The following CELF2 variants were observed in gnomAD, a reference collection of about 807,000 sequenced individuals.
The protein encoded by CELF2 is CUG triplet repeat RNA-binding protein 2.
In CELF2, 8 loss-of-function variants were observed where a neutral mutation model predicts 62.6. That is an observed-to-expected ratio of 0.13 (90% CI 0.07 to 0.23). The LOEUF (loss-of-function observed/expected upper bound fraction) is 0.23, where lower values mean the gene tolerates loss of function less well. Ranked by LOEUF, CELF2 falls within the 10% of genes least tolerant of loss-of-function variation. The probability of loss-of-function intolerance (pLI) is 1.00; values close to 1 mark genes in which losing one functional copy is unlikely to be tolerated. For synonymous variants in CELF2, 258 were observed against 250.0 expected, an observed-to-expected ratio of 1.03 and a Z score of -0.30; for missense variants, 333 against 671.0, an observed-to-expected ratio of 0.50 and a Z score of 5.56.
intron 1 of CELF2, among the ~76,000 whole-genome samples, chr10:11,064,659 A>T (rs1053941488): frequency 2.2e-4 from 33 of 152,246 alleles, no homozygotes; most frequent in African/African-American, 6.3e-4. Context: ...TTGCTTCCTC[A>T]TACCAATCTC....
chr10:10,835,257 T>A (rs2058186157), intron 1 of CELF2, among the ~76,000 whole-genome samples: 1 of 152,094 alleles, frequency 6.6e-6, no homozygotes, highest in Non-Finnish European at 1.5e-5. Flanking sequence ...CTAGTTATTT[T>A]TTATTATTAT....
chr10:10,868,358 C>G (rs2060514874), intron 1 of CELF2, among the ~76,000 whole-genome samples: 1 of 152,194 alleles, frequency 6.6e-6, no homozygotes, highest in Non-Finnish European at 1.5e-5. Context: ...GACTCGAATA[C>G]CTACATAAGG....
Position 11,259,429 on chromosome 10 carries a change from T to TAAA in CELF2, c.538+1572_538+1574dup, listed in dbSNP as rs11404486. 4.8e-3 allele frequency among the ~76,000 whole-genome samples: 656 copies of TAAA among 137,568 alleles called. 19 individuals carry two copies. The East Asian group carries it at 0.073, about 15-fold the overall frequency. 90.2% of individuals were successfully genotyped at this position (137,568 alleles called of 152,430 possible). A position where few individuals can be genotyped will look rare whatever the true frequency, so the allele number is the denominator to read the frequency against. On this transcript the variant is annotated intron_variant, in intron 5 of 12. Transcript: ENST00000633077. ...CCTGTGTTTTCTTCGGAAGGTGGTT[T>TAAA]AAAAAAAAAAAAAAAAAGGCGGCAT...
chr10:10,588,928 C>G, the CELF2 span, among the ~76,000 whole-genome samples: 1 of 152,138 alleles, frequency 6.6e-6, no homozygotes, highest in Non-Finnish European at 1.5e-5. Context: ...TCAACTTACC[C>G]GGTCCTATAA....
chr10:10,837,848 C>T (rs971508366), intron 1 of CELF2, among the ~76,000 whole-genome samples: 1 of 152,094 alleles, frequency 6.6e-6, no homozygotes. Context: ...TATAGATTTA[C>T]AGAAAAATGG....
chr10:10,669,215 A>G, the CELF2 span, among the ~76,000 whole-genome samples: 1 of 152,364 alleles, frequency 6.6e-6, no homozygotes, highest in East Asian at 1.9e-4. Flanking sequence ...TTCCATTTCT[A>G]TGCCTACAAA....
chr10:10,510,893 G>T, the CELF2 span, among the ~76,000 whole-genome samples: 2 of 152,298 alleles, frequency 1.3e-5, no homozygotes, highest in South Asian at 2.1e-4. Context: ...AATGCAAAAG[G>T]CTTGAAGGGA....
In CELF2 at chr10:11,309,337, T is replaced by A. The variant is rs540215675; in HGVS notation, c.977-4802T>A. 1.3e-5 allele frequency among the ~76,000 whole-genome samples: 2 copies of A among 152,360 alleles called. No individual in the cohort carries two copies. Among genetic ancestry groups the A allele is most frequent in the South Asian group, 4.1e-4 (2 of 4,834 alleles). On this transcript the variant is annotated intron_variant, in intron 9 of 12. Transcript: ENST00000633077. This position sits in a 1 kb window ranked among gnomAD's most constrained non-coding sequence, Gnocchi z 5.6. Reference sequence around the variant, plus strand: ...TATTTCCTTACTGATTTAGCAAGAATAATTCAGTGAAGTCTATTCCCCTGC... The same window carrying A: ...TATTTCCTTACTGATTTAGCAAGAAAAATTCAGTGAAGTCTATTCCCCTGC...
At chr10:10,916,239 G>A (rs6602468) in intron 1 of CELF2, among the ~76,000 whole-genome samples, 12,029 of 152,168 alleles carry the variant, frequency 0.079, 997 homozygotes, top group African/African-American at 0.21. Context: ...CGATTTGCTG[G>A]TCTCAAAAAT....
intron 1 of CELF2, among the ~76,000 whole-genome samples, chr10:10,866,813 G>A (rs11256881): frequency 0.12 from 18,658 of 149,822 alleles, 1,511 homozygotes; most frequent in Non-Finnish European, 0.19. Flanking sequence ...CCAGCTACCC[G>A]GGAGGCTGAG....
chr10:10,762,573 A>G, the CELF2 span, among the ~76,000 whole-genome samples: 1 of 152,162 alleles, frequency 6.6e-6, no homozygotes, highest in Non-Finnish European at 1.5e-5. Context: ...TCGGGAACTG[A>G]GACAACATTC....
At chr10:11,066,343 G>A (rs1328368210) in intron 1 of CELF2, among the ~76,000 whole-genome samples, 1 of 151,594 alleles carries the variant, frequency 6.6e-6, no homozygotes, top group Non-Finnish European at 1.5e-5. Flanking sequence ...TGGGTGTGCT[G>A]CCAATCACTG....
At position 11,157,220 on chromosome 10, in the gene CELF2, A is replaced by G. The variant is rs1054655888; in HGVS notation, c.75-8266A>G. 6.6e-6 allele frequency among the ~76,000 whole-genome samples: 1 copy of G among 152,086 alleles called. No homozygotes were observed. The highest frequency in any genetic ancestry group is 1.9e-4 in the East Asian group (1 of 5,178). On this transcript the variant is annotated intron_variant, in intron 1 of 12. Coordinates refer to ENST00000633077, the MANE Select transcript of CELF2 (RefSeq NM_001326342.2). This position sits in a 1 kb window ranked among gnomAD's most constrained non-coding sequence, Gnocchi z 4.9. ...GCTGGTACTTCCGTGCCTCTCACACATGCATGGTTGTAGAGGAGCTGTGCT... is the reference window on the plus strand; with the variant it reads ...GCTGGTACTTCCGTGCCTCTCACACGTGCATGGTTGTAGAGGAGCTGTGCT...
the CELF2 span, among the ~76,000 whole-genome samples, chr10:10,508,278 A>G: frequency 6.6e-6 from 1 of 152,214 alleles, no homozygotes; most frequent in South Asian, 2.1e-4. Flanking sequence ...ATGTAAAAGG[A>G]AAACCACTGA....
chr10:10,553,973 A>T, the CELF2 span, among the ~76,000 whole-genome samples: 2 of 152,156 alleles, frequency 1.3e-5, no homozygotes, highest in Admixed American at 1.3e-4. Context: ...GATCATAGTG[A>T]CAATTTGAGA....
chr10:10,899,137 C>T (rs2062761028), intron 1 of CELF2, among the ~76,000 whole-genome samples: 1 of 151,968 alleles, frequency 6.6e-6, no homozygotes, highest in African/African-American at 2.4e-5. Context: ...AAAGAAAAGT[C>T]TCAAATCAAT....
chr10:10,842,052 C>T (rs189232174), intron 1 of CELF2, among the ~76,000 whole-genome samples: 3 of 151,968 alleles, frequency 2.0e-5, no homozygotes, highest in Admixed American at 1.3e-4. Context: ...TTTTCTGATG[C>T]GATTGTAAAT....
Position 10,997,777 on chromosome 10 carries a change from G to A in CELF2, c.89+77778G>A, listed in dbSNP as rs1182779174. On this transcript the variant is annotated intron_variant, in intron 2 of 13. Transcript: ENST00000636488. This position sits in a 1 kb window ranked among gnomAD's most constrained non-coding sequence, Gnocchi z 5.3. ...AACCTCCCTCACGGGCCCCGTAGTC[G>A]CTCACTTGTAGGGTGGTCTTCCCAC... Among the ~76,000 whole-genome samples, 4 of 152,158 alleles carry A rather than the reference G, an allele frequency of 2.6e-5. No individual in the cohort carries two copies. Among genetic ancestry groups the A allele is most frequent in the Non-Finnish European group, 4.4e-5 (3 of 68,028 alleles).
chr10:11,152,865 TAG>T (rs2063591380), intron 1 of CELF2, among the ~76,000 whole-genome samples: 1 of 152,178 alleles, frequency 6.6e-6, no homozygotes, highest in Non-Finnish European at 1.5e-5. Flanking sequence ...GCAATCCCAT[TAG>T]AGTTATCCAG....
Sources: allele counts gnomAD v4.1 joint callset (sites outside exome capture counted in the v4.1 genomes callset), GRCh38; gene constraint gnomAD v4.1.1; non-coding constraint Gnocchi (gnomAD v3.1); transcripts MANE v1.5; gene names NCBI Gene and HGNC (gene_info 2026-07-23, HGNC 2026-07-21).